HMCES: variants seen among roughly 807,000 people sequenced by gnomAD.
HMCES encodes the protein 5-hydroxymethylcytosine binding, ES cell specific, also known as abasic site processing protein HMCES.
HMCES carries 27 observed loss-of-function variants against 35.1 expected under a neutral mutation model. The observed-to-expected ratio is 0.77, with a 90% CI of 0.57 to 1.06. The LOEUF is 1.06. HMCES is among the 50% of genes least tolerant of loss of function. The probability of loss-of-function intolerance (pLI) is 0.00; values close to 1 mark genes in which losing one functional copy is unlikely to be tolerated. For missense variants in HMCES, 391 were observed against 430.4 expected (o/e 0.91, Z 0.81); for synonymous variants, 130 against 154.7 (o/e 0.84, Z 1.18).
At chr3:129,302,286 G>C in intron 6 of HMCES, 144 bp downstream of exon 6, 1 of 626,920 alleles carries the variant, frequency 1.6e-6, no homozygotes, top group Non-Finnish European at 2.6e-6. Flanking sequence ...CAGCAAGGTA[G>C]TGTAGAGCAG....
At chr3:129,298,568 G>A (rs1488234506) in intron 5 of HMCES, 33 bp downstream of exon 5, 3 of 1,585,356 alleles carry the variant, frequency 1.9e-6, no homozygotes, top group Admixed American at 1.7e-5. Context: ...GGATCCAAAA[G>A]GATCCAAAAG....
At position 129,305,008 on chromosome 3, in the gene HMCES, T is replaced by C; in HGVS notation, c.*183T>C. The C allele has an allele frequency of 3.3e-6, 2 of 601,594 alleles. No homozygotes were observed. Among genetic ancestry groups the C allele is most frequent in the Non-Finnish European group, 5.9e-6 (2 of 340,518 alleles). The allele number at this position is 601,594 out of a possible 1,614,324, so 37.3% of individuals were successfully genotyped here. On this transcript the variant is annotated 3_prime_UTR_variant, in exon 7 of 7. Transcript: ENST00000383463. ...CCCCTAGTGGGGCTGGTGGACAGCT[T>C]TGGAAGAGGTGTCCTGCTGCTGTTA...
intron 2 of HMCES, among the ~76,000 whole-genome samples, chr3:129,281,926 CAAAAAA>C (rs553350109): frequency 1.4e-5 from 1 of 71,594 alleles, no homozygotes; most frequent in African/African-American, 4.5e-5. Context: ...GACTCAGTCT[CAAAAAA>C]AAAAAAAAAA....
intron 2 of HMCES, among the ~76,000 whole-genome samples, chr3:129,282,728 T>G (rs1940531812): frequency 6.6e-6 from 1 of 152,226 alleles, no homozygotes; most frequent in South Asian, 2.1e-4. Flanking sequence ...AGCCTGCATA[T>G]GTATATAGAT....
At chr3:129,295,636 G>A (rs1385056421) in intron 4 of HMCES, among the ~76,000 whole-genome samples, 1 of 151,966 alleles carries the variant, frequency 6.6e-6, no homozygotes, top group Non-Finnish European at 1.5e-5. Flanking sequence ...TTTTCTTTCA[G>A]TACTTTAAAA....
At chr3:129,289,671 G>A (rs979020764) in intron 3 of HMCES, among the ~76,000 whole-genome samples, 4 of 151,590 alleles carry the variant, frequency 2.6e-5, no homozygotes, top group African/African-American at 7.3e-5. Flanking sequence ...TATCACGCCC[G>A]GCCTACTTCT....
rs950942718 is a variant in HMCES at position 129,294,209 on chromosome 3, G to A, written c.453+3405G>A. 5.9e-5 allele frequency among the ~76,000 whole-genome samples: 9 copies of A among 152,030 alleles called. 1 individual carries two copies. Among genetic ancestry groups the A allele is most frequent in the Admixed American group, 5.9e-4 (9 of 15,246 alleles). Reference sequence around the variant, plus strand: ...TAAGGCGGGCGGATCATGAGGTCAGGAGATCAAGACCATCGTGGCTAACAG... The same window carrying A: ...TAAGGCGGGCGGATCATGAGGTCAGAAGATCAAGACCATCGTGGCTAACAG... On this transcript the variant is annotated intron_variant, in intron 4 of 6. Coordinates refer to ENST00000383463, the MANE Select transcript of HMCES (RefSeq NM_020187.3).
In HMCES at chr3:129,279,441, C is replaced by G. The variant is rs1940399092; in HGVS notation, c.-23-269C>G. On this transcript the variant is annotated intron_variant, in intron 1 of 6. Transcript: ENST00000383463. This position sits in a 1 kb window ranked among gnomAD's most constrained non-coding sequence, Gnocchi z 4.2. ...GCTTCGCTGGACTGTGAAGCCCCCT[C>G]CGCTGCGGCTCTTCCTGCGCTCAGG... Among the ~76,000 whole-genome samples the G allele has an allele frequency of 6.6e-6, 1 of 152,216 alleles. No homozygotes were observed. Among genetic ancestry groups the G allele is most frequent in the Admixed American group, 6.5e-5 (1 of 15,292 alleles).
chr3:129,305,052 T>C lies in HMCES; in HGVS notation c.*227T>C. 3.5e-6 allele frequency: 2 copies of C among 567,512 alleles called. No homozygotes were observed. Among genetic ancestry groups the C allele is most frequent in the Non-Finnish European group, 6.3e-6 (2 of 319,306 alleles). The allele number at this position is 567,512 out of a possible 1,614,324, so 35.2% of individuals were successfully genotyped here. ...GCTGTTACCAGCCATGTGGGCCCCA[T>C]AGGGGCACTGCGCCTGCTGCCCTTT... On this transcript the variant is annotated 3_prime_UTR_variant, in exon 7 of 7. Transcript: ENST00000383463.
rs372342068 is a variant in HMCES, at chr3:129,287,354, G to C, written c.184-1500G>C. On this transcript the variant is annotated intron_variant, in intron 2 of 6. Transcript: ENST00000383463. ...TCCTCCTACCTCTGCCTTCTAAGTA[G>C]CTGGAACTACAGGTGCATGCCACCA... Among the ~76,000 whole-genome samples, 40 of 151,926 alleles carry C rather than the reference G, an allele frequency of 2.6e-4. No homozygotes were observed. In the East Asian group the frequency reaches 6.8e-3, roughly 26 times the overall value.
rs372179655 is a variant in HMCES at position 129,301,085 on chromosome 3, A to G, written c.636-865A>G. Among the ~76,000 whole-genome samples the G allele has an allele frequency of 1.9e-3, 247 of 131,356 alleles. 10 individuals are homozygous for G. In the South Asian group the frequency reaches 0.062, roughly 33 times the overall value. The allele number at this position is 131,356 out of a possible 152,430, so 86.2% of individuals were successfully genotyped here. A position where few individuals can be genotyped will look rare whatever the true frequency, so the allele number is the denominator to read the frequency against. ...TGGGTGCCTGTAGTCCCAGCTACTC[A>G]GGAGGCTGAGGCAGAAGAATGGCAT... On this transcript the variant is annotated intron_variant, in intron 5 of 6. Transcript: ENST00000383463.
At chr3:129,298,636 A>G in intron 5 of HMCES, 101 bp downstream of exon 5, 2 of 976,424 alleles carry the variant, frequency 2.0e-6, no homozygotes, top group Non-Finnish European at 3.0e-6. Flanking sequence ...GTCATTTTAC[A>G]ACGTAAAGTT....
chr3:129,287,081 G>A (rs1940657008), intron 2 of HMCES, among the ~76,000 whole-genome samples: 1 of 152,146 alleles, frequency 6.6e-6, no homozygotes, highest in Non-Finnish European at 1.5e-5. Flanking sequence ...GTAGAAATCT[G>A]GAAAAAGTCA....
chr3:129,304,685 T>C lies in HMCES; in HGVS notation c.925T>C (p.Ser309Pro). 1 of 1,613,058 alleles carries C rather than the reference T, an allele frequency of 6.2e-7. No homozygotes were observed. The highest frequency in any genetic ancestry group is 1.1e-5 in the South Asian group (1 of 90,968). Reference protein sequence around the residue: ...EDSKTPQKEESDVPQWSSQFL... With the variant: ...EDSKTPQKEEPDVPQWSSQFL... ...CTCAAAAACACCTCAAAAGGAAGAG[T>C]CAGATGTTCCCCAGTGGTCCAGTCA... is the stretch of plus-strand genomic sequence containing the variant. Residue 309 changes from serine (S) to proline (P), a missense_variant, in exon 7 of 7, where the codon TCA becomes CCA. Ser to Pro is a moderately conservative substitution (Grantham distance 74). Transcript: ENST00000383463.
chr3:129,300,756 C>T (rs569647041), intron 5 of HMCES, among the ~76,000 whole-genome samples: 11 of 152,042 alleles, frequency 7.2e-5, no homozygotes, highest in African/African-American at 2.2e-4. Context: ...AATGGCCAGG[C>T]GCGGTGGCTC....
intron 5 of HMCES, among the ~76,000 whole-genome samples, chr3:129,299,854 C>T (rs1254311916): frequency 6.6e-6 from 1 of 151,810 alleles, no homozygotes; most frequent in African/African-American, 2.4e-5. Flanking sequence ...TGGTCTAGAT[C>T]TCCTGACCTT....
chr3:129,287,400 T>G (rs1344773417), intron 2 of HMCES, among the ~76,000 whole-genome samples: 3 of 151,990 alleles, frequency 2.0e-5, no homozygotes, highest in Non-Finnish European at 4.4e-5. Flanking sequence ...ATTTTTTTTT[T>G]TTTTGGTAGA....
In HMCES at chr3:129,296,557, A is replaced by G. The variant is rs139821348; in HGVS notation, c.454-1797A>G. 5.3e-4 allele frequency among the ~76,000 whole-genome samples: 81 copies of G among 151,906 alleles called. 1 individual carries two copies. The East Asian group carries it at 0.014, about 26-fold the overall frequency. The stretch of plus-strand genomic sequence containing the variant: ...TGAATCTGGTTCTGTTAATTTCTAT[A>G]TCTCTTGGTGGTTGATTGCTTTAGC... On this transcript the variant is annotated intron_variant, in intron 4 of 6. Coordinates refer to ENST00000383463, the MANE Select transcript of HMCES (RefSeq NM_020187.3).
At chr3:129,301,212 A>AG (rs1382214180) in intron 5 of HMCES, among the ~76,000 whole-genome samples, 10 of 119,398 alleles carry the variant, frequency 8.4e-5, no homozygotes, top group Non-Finnish European at 1.3e-4. Context: ...AAAAAGAAGA[A>AG]AAAAAAAAAA....
Sources: gnomAD v4.1 joint callset for allele counts (sites outside exome capture counted in the v4.1 genomes callset) on GRCh38, gnomAD v4.1.1 for gene constraint, Gnocchi (gnomAD v3.1) non-coding constraint, MANE v1.5 for transcripts, NCBI Gene and HGNC (gene_info 2026-07-23, HGNC 2026-07-21) for gene names.